Variants in KCNQ3 observed in about 807,000 individuals in gnomAD.
KCNQ3 encodes the protein potassium voltage-gated channel subfamily Q member 3.
KCNQ3 carries 30 observed loss-of-function variants against 92.5 expected under a neutral mutation model. The observed-to-expected ratio is 0.32, with a 90% CI of 0.24 to 0.44. KCNQ3 has a LOEUF of 0.44. Ranked by LOEUF, KCNQ3 falls within the 20% of genes least tolerant of loss-of-function variation. The pLI, the probability that KCNQ3 is intolerant of heterozygous loss-of-function variation, is 1.00. For missense variants in KCNQ3, 913 were observed against 1,140.3 expected (o/e 0.80, Z 2.87); for synonymous variants, 450 against 468.8 (o/e 0.96, Z 0.52).
At chr8:132,376,517 G>A (rs930082245) in intron 1 of KCNQ3, among the ~76,000 whole-genome samples, 10 of 152,178 alleles carry the variant, frequency 6.6e-5, no homozygotes, top group Admixed American at 2.0e-4. Context: ...TTCAGGCAAC[G>A]AAGCCTACAT....
chr8:132,136,579 G>C (rs1375471107), intron 12 of KCNQ3, among the ~76,000 whole-genome samples: 2 of 152,148 alleles, frequency 1.3e-5, no homozygotes, highest in Admixed American at 1.3e-4. Context: ...TGCATGTCCT[G>C]TGTGTTTCTG....
chr8:132,333,231 C>T (rs1390408205), intron 1 of KCNQ3, among the ~76,000 whole-genome samples: 1 of 152,164 alleles, frequency 6.6e-6, no homozygotes, highest in African/African-American at 2.4e-5. Context: ...GCCTTACCAA[C>T]CCCTCTAAGT....
intron 1 of KCNQ3, among the ~76,000 whole-genome samples, chr8:132,402,746 G>A (rs1046553284): frequency 3.9e-5 from 6 of 151,986 alleles, no homozygotes; most frequent in East Asian, 3.9e-4. Flanking sequence ...GGCCCGGCGC[G>A]GTGGCTCATG....
At chr8:132,439,159 T>C (rs983794899) in intron 1 of KCNQ3, among the ~76,000 whole-genome samples, 1 of 151,812 alleles carries the variant, frequency 6.6e-6, no homozygotes, top group Admixed American at 6.6e-5. Flanking sequence ...CCCTAACCCA[T>C]TCTGGCAAAG....
intron 1 of KCNQ3, among the ~76,000 whole-genome samples, chr8:132,444,140 C>T (rs1200117281): frequency 6.6e-6 from 1 of 152,142 alleles, no homozygotes; most frequent in Admixed American, 6.5e-5. Flanking sequence ...GATGCTACCA[C>T]TCCATCAACC....
At chr8:132,223,192 AAAGG>A (rs1269478329) in intron 1 of KCNQ3, among the ~76,000 whole-genome samples, 2 of 150,866 alleles carry the variant, frequency 1.3e-5, no homozygotes, top group African/African-American at 4.9e-5. Flanking sequence ...AGAAAGGAAG[AAAGG>A]AAGGATGGAA....
At chr8:132,276,651 G>A (rs1187520866) in intron 1 of KCNQ3, among the ~76,000 whole-genome samples, 5 of 152,070 alleles carry the variant, frequency 3.3e-5, no homozygotes, top group South Asian at 4.2e-4. Context: ...TCTGTTCTGC[G>A]GCTGCACCTG....
chr8:132,337,628 A>G (rs895909483), intron 1 of KCNQ3, among the ~76,000 whole-genome samples: 1 of 152,178 alleles, frequency 6.6e-6, no homozygotes, highest in South Asian at 2.1e-4. Context: ...TGGGACTCAT[A>G]CAGACATGGC....
intron 1 of KCNQ3, among the ~76,000 whole-genome samples, chr8:132,348,950 C>T (rs912132990): frequency 5.3e-5 from 8 of 152,222 alleles, no homozygotes; most frequent in Non-Finnish European, 7.3e-5. Flanking sequence ...TCGGGGCCCA[C>T]CTATCACTAG....
At chr8:132,156,046 T>C (rs1825788105) in intron 9 of KCNQ3, among the ~76,000 whole-genome samples, 1 of 152,108 alleles carries the variant, frequency 6.6e-6, no homozygotes, top group South Asian at 2.1e-4. Context: ...TCCAGGACAT[T>C]TGCAGCTGGT....
chr8:132,451,827 C>T (rs1821826642), intron 1 of KCNQ3, among the ~76,000 whole-genome samples: 1 of 152,182 alleles, frequency 6.6e-6, no homozygotes, highest in South Asian at 2.1e-4. Flanking sequence ...AGGACAGGAG[C>T]AGCGGGAAGG....
chr8:132,311,955 T>C (rs540829199), intron 1 of KCNQ3, among the ~76,000 whole-genome samples: 14 of 137,024 alleles, frequency 1.0e-4, no homozygotes, highest in African/African-American at 3.6e-4. Context: ...CTGATATCGT[T>C]ATAAACAGAA....
intron 1 of KCNQ3, among the ~76,000 whole-genome samples, chr8:132,242,338 T>G (rs1000997214): frequency 3.3e-5 from 5 of 152,172 alleles, no homozygotes; most frequent in Admixed American, 1.3e-4. Context: ...GGAGGGATGC[T>G]CATCCAGGGA....
chr8:132,176,901 G>A (rs1040550159), intron 4 of KCNQ3, among the ~76,000 whole-genome samples: 1 of 152,206 alleles, frequency 6.6e-6, no homozygotes, highest in Non-Finnish European at 1.5e-5. Flanking sequence ...CATACACATT[G>A]TACGGGTGTG....
At chr8:132,401,312 C>T (rs1230595236) in intron 1 of KCNQ3, among the ~76,000 whole-genome samples, 2 of 152,192 alleles carry the variant, frequency 1.3e-5, no homozygotes, top group Non-Finnish European at 2.9e-5. Flanking sequence ...TTCCACTCCA[C>T]TGTCCCATGT....
intron 1 of KCNQ3, among the ~76,000 whole-genome samples, chr8:132,430,695 G>A (rs1027548312): frequency 6.6e-6 from 1 of 152,224 alleles, no homozygotes; most frequent in Non-Finnish European, 1.5e-5. Flanking sequence ...GACAGACAAT[G>A]AGTCTATTTC....
intron 1 of KCNQ3, among the ~76,000 whole-genome samples, chr8:132,393,425 G>T (rs1820102821): frequency 6.6e-6 from 1 of 152,150 alleles, no homozygotes; most frequent in Non-Finnish European, 1.5e-5. Flanking sequence ...TCTGCCCTTG[G>T]AGCACAAAAG....
chr8:132,139,617 C>T (rs1825218632), intron 11 of KCNQ3, among the ~76,000 whole-genome samples: 2 of 152,172 alleles, frequency 1.3e-5, no homozygotes, highest in African/African-American at 2.4e-5. Flanking sequence ...ATTATGGTCT[C>T]TGCTGATACA....
chr8:132,350,428 G>C (rs1818826946), intron 1 of KCNQ3, among the ~76,000 whole-genome samples: 2 of 152,058 alleles, frequency 1.3e-5, no homozygotes, highest in Non-Finnish European at 1.5e-5. Context: ...TTACAGGTAA[G>C]ATCCCGAAGT....
Sources: gnomAD v4.1 joint callset for allele counts (sites outside exome capture counted in the v4.1 genomes callset) on GRCh38, gnomAD v4.1.1 for gene constraint, MANE v1.5 for transcripts, NCBI Gene and HGNC (gene_info 2026-07-23, HGNC 2026-07-21) for gene names.